Variants in ZFYVE9 observed in about 807,000 individuals in gnomAD.
ZFYVE9 encodes the protein zinc finger FYVE domain-containing protein 9.
Under a neutral mutation model 126.7 loss-of-function variants are expected in ZFYVE9, and 43 were observed. The observed-to-expected ratio is 0.34, with a 90% CI of 0.27 to 0.44. ZFYVE9 has a LOEUF of 0.44. ZFYVE9 is among the 20% of genes least tolerant of loss of function. ZFYVE9 has a pLI of 1.00. For missense variants in ZFYVE9, 1,476 were observed against 1,697.0 expected (o/e 0.87, Z 2.29); for synonymous variants, 521 against 597.4 (o/e 0.87, Z 1.87).
chr1:52,270,454 T>G (rs558350014), intron 7 of ZFYVE9, among the ~76,000 whole-genome samples: 15 of 152,112 alleles, frequency 9.9e-5, no homozygotes, highest in African/African-American at 2.2e-4. Context: ...TTAGTAGAGA[T>G]GGGGTTTCAC....
At chr1:52,266,156 T>C (rs1016591372) in intron 5 of ZFYVE9, among the ~76,000 whole-genome samples, 3 of 152,030 alleles carry the variant, frequency 2.0e-5, no homozygotes, top group Admixed American at 2.0e-4. Flanking sequence ...TGGAGTGCAG[T>C]GGTGTGACTT....
intron 13 of ZFYVE9, among the ~76,000 whole-genome samples, chr1:52,319,993 CAGAG>C (rs980872313): frequency 7.2e-6 from 1 of 139,146 alleles, no homozygotes; most frequent in Admixed American, 7.2e-5. Context: ...AGCCTGGTGA[CAGAG>C]AGGGGGAGAT....
chr1:52,219,566 C>T (rs1203945358), intron 2 of ZFYVE9, among the ~76,000 whole-genome samples: 2 of 151,578 alleles, frequency 1.3e-5, no homozygotes, highest in Non-Finnish European at 2.9e-5. Context: ...GGGCTGGTGT[C>T]GGTGAATTGG....
At chr1:52,312,107 T>C (rs1043801742) in intron 13 of ZFYVE9, among the ~76,000 whole-genome samples, 7 of 152,196 alleles carry the variant, frequency 4.6e-5, no homozygotes, top group South Asian at 2.1e-4. Flanking sequence ...GGTTAACTTA[T>C]TGAACTTGTG....
chr1:52,302,030 C>T (rs2147840309), intron 12 of ZFYVE9, among the ~76,000 whole-genome samples: 1 of 152,220 alleles, frequency 6.6e-6, no homozygotes, highest in Non-Finnish European at 1.5e-5. Context: ...CTTTTAAGAT[C>T]TTTTATGTCT....
chr1:52,195,520 A>G (rs908355503), intron 1 of ZFYVE9, among the ~76,000 whole-genome samples: 7 of 152,226 alleles, frequency 4.6e-5, no homozygotes, highest in Admixed American at 2.0e-4. Flanking sequence ...GCCCTCTTGT[A>G]GTATACATCT....
intron 1 of ZFYVE9, among the ~76,000 whole-genome samples, chr1:52,200,661 T>C (rs1644915165): frequency 6.6e-6 from 1 of 152,254 alleles, no homozygotes; most frequent in Non-Finnish European, 1.5e-5. Context: ...CTGATTCATT[T>C]TGAGTTAACT....
At chr1:52,335,581 G>A (rs145005627) in intron 15 of ZFYVE9, among the ~76,000 whole-genome samples, 29 of 152,292 alleles carry the variant, frequency 1.9e-4, no homozygotes, top group Non-Finnish European at 3.5e-4. Context: ...CTCCAAACAT[G>A]AATGTTCTAG....
intron 4 of ZFYVE9, among the ~76,000 whole-genome samples, chr1:52,261,544 A>G (rs868770921): frequency 1.3e-5 from 2 of 152,144 alleles, no homozygotes; most frequent in South Asian, 2.1e-4. Context: ...AAGAGTTCAT[A>G]TATTTGTGGA....
intron 4 of ZFYVE9, among the ~76,000 whole-genome samples, chr1:52,258,454 T>A (rs1192419973): frequency 6.6e-6 from 1 of 152,170 alleles, no homozygotes; most frequent in Non-Finnish European, 1.5e-5. Flanking sequence ...ATACCAAGAC[T>A]GCTAAACATC....
chr1:52,344,902 A>T lies in ZFYVE9; in HGVS notation c.4074A>T (p.Gly1358=). 6.2e-7 allele frequency: 1 copy of T among 1,614,184 alleles called. No homozygotes were observed. The stretch of plus-strand genomic sequence containing the variant: ...ACCTGAAACTTCTGAAGGAAGATGG[A>T]ATGACCAAACTGGGACTACGTGTGA... ...CPHLKLLKED[G]MTKLGLRVTL... Residue 1358 remains glycine (G), a synonymous_variant, in exon 18 of 19, where the codon GGA becomes GGT. Transcript: ENST00000287727.
chr1:52,314,575 T>C (rs1428261464), intron 13 of ZFYVE9, among the ~76,000 whole-genome samples: 4 of 152,108 alleles, frequency 2.6e-5, no homozygotes, highest in Non-Finnish European at 5.9e-5. Flanking sequence ...CCCAGTAGTT[T>C]GGGATGCCAA....
At chr1:52,307,327 C>T (rs945965063) in intron 13 of ZFYVE9, among the ~76,000 whole-genome samples, 10 of 152,036 alleles carry the variant, frequency 6.6e-5, no homozygotes, top group African/African-American at 1.9e-4. Flanking sequence ...CCTACGCCTC[C>T]AGGATTCAAG....
At chr1:52,165,763 T>G (rs1644507517) in intron 1 of ZFYVE9, among the ~76,000 whole-genome samples, 1 of 150,628 alleles carries the variant, frequency 6.6e-6, no homozygotes, top group African/African-American at 2.5e-5. Flanking sequence ...TCAGGTTCAA[T>G]TCAATAGTGA....
At chr1:52,295,481 C>G (rs1645964587) in intron 11 of ZFYVE9, among the ~76,000 whole-genome samples, 1 of 151,974 alleles carries the variant, frequency 6.6e-6, no homozygotes, top group Admixed American at 6.6e-5. Context: ...TCTCAGCCTC[C>G]CAAGTAGATG....
intron 4 of ZFYVE9, among the ~76,000 whole-genome samples, chr1:52,255,969 TTTCTTTC>T (rs1203381947): frequency 1.3e-4 from 11 of 86,646 alleles, no homozygotes; most frequent in South Asian, 3.8e-4. Flanking sequence ...TTTTCTTTTC[TTTCTTTC>T]TTTCTTTCCT....
intron 4 of ZFYVE9, among the ~76,000 whole-genome samples, chr1:52,252,968 C>G (rs139379913): frequency 1.1e-3 from 166 of 152,290 alleles, no homozygotes; most frequent in African/African-American, 3.6e-3. Context: ...AATCCCAGCA[C>G]TTTGGGAGGC....
At chr1:52,334,633 T>A (rs2147871777) in intron 14 of ZFYVE9, 55 bp from the exon 15 acceptor site, 5 of 1,551,004 alleles carry the variant, frequency 3.2e-6, no homozygotes, top group South Asian at 1.2e-5. Flanking sequence ...GTTATTATTT[T>A]CAATCCCTCC....
At chr1:52,243,237 A>G (rs1645352774) in intron 4 of ZFYVE9, among the ~76,000 whole-genome samples, 2 of 152,234 alleles carry the variant, frequency 1.3e-5, no homozygotes, top group South Asian at 4.1e-4. Context: ...CATGGTATGT[A>G]AAGATTAGGC....
Sources: gnomAD v4.1 joint callset for allele counts (sites outside exome capture counted in the v4.1 genomes callset) on GRCh38, gnomAD v4.1.1 for gene constraint, MANE v1.5 for transcripts, NCBI Gene and HGNC (gene_info 2026-07-23, HGNC 2026-07-21) for gene names.